Variants in KCNK5 observed in about 807,000 individuals in gnomAD.
KCNK5 encodes potassium two pore domain channel subfamily K member 5.
A neutral mutation model predicts 32.9 loss-of-function variants in KCNK5; 18 were observed. The observed-to-expected ratio is 0.55, with a 90% CI of 0.38 to 0.81. KCNK5 has a LOEUF of 0.81. Ranked by LOEUF, KCNK5 falls within the 30% of genes least tolerant of loss-of-function variation. The probability of loss-of-function intolerance (pLI) is 0.00; values close to 1 mark genes in which losing one functional copy is unlikely to be tolerated. For missense variants in KCNK5, 507 were observed against 651.0 expected (o/e 0.78, Z 2.41); for synonymous variants, 276 against 275.3 (o/e 1.00, Z -0.03).
In KCNK5 at chr6:39,219,862, G is replaced by A. The variant is rs145966152; in HGVS notation, c.186+9064C>T. Among the ~76,000 whole-genome samples the A allele has an allele frequency of 6.2e-4, 95 of 152,350 alleles. 1 individual carries two copies. Among genetic ancestry groups the A allele is most frequent in the Admixed American group, 2.7e-3 (42 of 15,308 alleles). On this transcript the variant is annotated intron_variant, in intron 1 of 4. Transcript: ENST00000359534. The stretch of plus-strand genomic sequence containing the variant: ...CTGGGAAGACATGGCCACTGCCCAC[G>A]AAGGTTGCAAATGGTCTAGCTGGAC...
intron 1 of KCNK5, 151 bp downstream of exon 1, chr6:39,228,775 C>CAG: frequency 1.4e-6 from 1 of 721,214 alleles, no homozygotes; most frequent in South Asian, 2.1e-5. Flanking sequence ...TCCTCGAAGC[C>CAG]TGACCCATGA....
intron 1 of KCNK5, among the ~76,000 whole-genome samples, chr6:39,206,558 C>G (rs144193757): frequency 0.011 from 1,658 of 152,306 alleles, 16 homozygotes; most frequent in Non-Finnish European, 0.019. Flanking sequence ...TCCCGGGCCG[C>G]CCAGCTGCCC....
chr6:39,222,729 ATT>A (rs1371653171), intron 1 of KCNK5, among the ~76,000 whole-genome samples: 1 of 152,210 alleles, frequency 6.6e-6, no homozygotes. Flanking sequence ...CAGTAGTTCT[ATT>A]TTTAATTGAG....
intron 1 of KCNK5, among the ~76,000 whole-genome samples, chr6:39,220,102 C>T (rs930592955): frequency 3.3e-5 from 5 of 152,346 alleles, no homozygotes; most frequent in African/African-American, 1.2e-4. Context: ...CTGTGTCCTC[C>T]CCACCCAGTG....
chr6:39,209,296 C>T (rs772569832), intron 1 of KCNK5, among the ~76,000 whole-genome samples: 1 of 152,114 alleles, frequency 6.6e-6, no homozygotes. Flanking sequence ...ATCCCCTGAC[C>T]ATGCACTACC....
chr6:39,216,139 G>T (rs1473197910), intron 1 of KCNK5, among the ~76,000 whole-genome samples: 1 of 152,120 alleles, frequency 6.6e-6, no homozygotes, highest in African/African-American at 2.4e-5. Flanking sequence ...AAAAAAATTT[G>T]CAGGGTGTGG....
chr6:39,210,444 C>T (rs537681757), intron 1 of KCNK5, among the ~76,000 whole-genome samples: 1 of 152,210 alleles, frequency 6.6e-6, no homozygotes, highest in Non-Finnish European at 1.5e-5. Context: ...TTTGGAGGCA[C>T]AAAAATGTAG....
intron 1 of KCNK5, among the ~76,000 whole-genome samples, chr6:39,227,648 G>C (rs1469518276): frequency 1.3e-5 from 2 of 152,128 alleles, no homozygotes; most frequent in African/African-American, 4.8e-5. Context: ...CAGCAAATAC[G>C]TATATGCTTA....
chr6:39,221,216 C>A (rs1030272348), intron 1 of KCNK5, among the ~76,000 whole-genome samples: 1 of 152,152 alleles, frequency 6.6e-6, no homozygotes, highest in African/African-American at 2.4e-5. Flanking sequence ...GGGTGGCTGC[C>A]ATGATTCAGT....
In KCNK5 at chr6:39,211,918, C is replaced by G. The variant is rs572951329; in HGVS notation, c.187-15931G>C. Among the ~76,000 whole-genome samples, 3 of 151,854 alleles carry G rather than the reference C, an allele frequency of 2.0e-5. No individual in the cohort carries two copies. The South Asian group carries it at 6.3e-4, about 32-fold the overall frequency. Reference sequence around the variant, plus strand: ...GACGGAGGTTGCAGTGAGCTGAGATCGTACCATTGCATTCCAGCCTGGACA... The same window carrying G: ...GACGGAGGTTGCAGTGAGCTGAGATGGTACCATTGCATTCCAGCCTGGACA... On this transcript the variant is annotated intron_variant, in intron 1 of 4. Coordinates refer to ENST00000359534, the MANE Select transcript of KCNK5 (RefSeq NM_003740.4).
At chr6:39,200,586 C>T (rs759939448) in intron 1 of KCNK5, among the ~76,000 whole-genome samples, 37 of 152,172 alleles carry the variant, frequency 2.4e-4, no homozygotes, top group Non-Finnish European at 5.1e-4. Flanking sequence ...TATCTCCTGT[C>T]CCCATAAAGG....
intron 1 of KCNK5, among the ~76,000 whole-genome samples, chr6:39,226,899 A>C (rs1438686476): frequency 6.6e-6 from 1 of 152,150 alleles, no homozygotes; most frequent in African/African-American, 2.4e-5. Flanking sequence ...ACTTATCTAT[A>C]ATAGCCTCCA....
chr6:39,194,850 A>G lies in KCNK5; in HGVS notation c.299-90T>C. On this transcript the variant is annotated intron_variant, in intron 2 of 4. Coordinates refer to ENST00000359534, the MANE Select transcript of KCNK5 (RefSeq NM_003740.4). The surrounding 1 kb of genome is among the most constrained non-coding windows in gnomAD (Gnocchi z 4.7). ...ACACACACACAGCCCGTTCTCTAAG[A>G]TAAATTGATATTGATCTATTGTCAG... 1 of 1,045,072 alleles carries G rather than the reference A, an allele frequency of 9.6e-7. No individual in the cohort carries two copies. The highest frequency in any genetic ancestry group is 1.5e-6 in the Non-Finnish European group (1 of 686,984). 64.7% of individuals were successfully genotyped at this position (1,045,072 alleles called of 1,614,324 possible). A position where few individuals can be genotyped will look rare whatever the true frequency, so the allele number is the denominator to read the frequency against.
chr6:39,210,392 G>A (rs571068579), intron 1 of KCNK5, among the ~76,000 whole-genome samples: 8 of 152,132 alleles, frequency 5.3e-5, no homozygotes, highest in Non-Finnish European at 1.0e-4. Flanking sequence ...GGGGGTTCTC[G>A]TCACCTTCAC....
At chr6:39,210,920 G>T (rs1562055168) in intron 1 of KCNK5, among the ~76,000 whole-genome samples, 1 of 152,124 alleles carries the variant, frequency 6.6e-6, no homozygotes, top group African/African-American at 2.4e-5. Flanking sequence ...AAGGACCAGA[G>T]CAATTTCCCA....
intron 1 of KCNK5, among the ~76,000 whole-genome samples, chr6:39,225,921 T>G (rs916407508): frequency 2.6e-5 from 4 of 152,160 alleles, no homozygotes; most frequent in Non-Finnish European, 5.9e-5. Flanking sequence ...GTACCTGAAA[T>G]AAGGCAGGTA....
chr6:39,215,807 G>T (rs983864833), intron 1 of KCNK5, among the ~76,000 whole-genome samples: 1 of 152,190 alleles, frequency 6.6e-6, no homozygotes, highest in African/African-American at 2.4e-5. Context: ...CCTCCTTGGG[G>T]GTTTTAGTCT....
At chr6:39,216,415 C>T (rs1771438485) in intron 1 of KCNK5, among the ~76,000 whole-genome samples, 2 of 152,216 alleles carry the variant, frequency 1.3e-5, no homozygotes, top group African/African-American at 4.8e-5. Context: ...GGCCAGCTAA[C>T]ACGCGCACGG....
intron 1 of KCNK5, among the ~76,000 whole-genome samples, chr6:39,220,179 C>G (rs1313336917): frequency 1.3e-5 from 2 of 152,184 alleles, no homozygotes; most frequent in East Asian, 3.9e-4. Flanking sequence ...GGGGGTCCTG[C>G]TACCAGCTGC....
Sources: gnomAD v4.1 joint callset for allele counts (sites outside exome capture counted in the v4.1 genomes callset) on GRCh38, gnomAD v4.1.1 for gene constraint, Gnocchi (gnomAD v3.1) non-coding constraint, MANE v1.5 for transcripts, NCBI Gene and HGNC (gene_info 2026-07-23, HGNC 2026-07-21) for gene names.